SKIDA1: variants seen among roughly 807,000 people sequenced by gnomAD.
The protein encoded by SKIDA1 is SKI/DACH domain-containing protein 1.
A neutral mutation model predicts 51.4 loss-of-function variants in SKIDA1; 18 were observed. That is an observed-to-expected ratio of 0.35 (90% CI 0.24 to 0.52). The LOEUF (loss-of-function observed/expected upper bound fraction) is 0.52, where lower values mean the gene tolerates loss of function less well. Among genes scored for constraint, SKIDA1 ranks in the 20% least tolerant of loss-of-function variants. The pLI is 0.95. For synonymous variants in SKIDA1, 579 were observed against 500.5 expected (o/e 1.16, Z -2.09); for missense variants, 1,104 against 1,180.6 (o/e 0.94, Z 0.95).
rs371559698 is a variant in SKIDA1 at position 21,514,526 on chromosome 10, C to T, written c.*570G>A. 2.0e-5 allele frequency: 3 copies of T among 150,664 alleles called. No homozygotes were observed. The highest frequency in any genetic ancestry group is 3.2e-3 in the Middle Eastern group (1 of 310). 9.3% of individuals were successfully genotyped at this position (150,664 alleles called of 1,614,324 possible). A position where few individuals can be genotyped will look rare whatever the true frequency, so the allele number is the denominator to read the frequency against. On this transcript the variant is annotated 3_prime_UTR_variant, in exon 4 of 4. Transcript: ENST00000449193. The stretch of plus-strand genomic sequence containing the variant: ...AAAAAAAAAGTTAAGTGCAACTACT[C>T]TTGGAGAGGGAATAAGGGGAGTCAA...
chr10:21,520,888 T>G (rs2032374581), intron 3 of SKIDA1, among the ~76,000 whole-genome samples: 1 of 152,160 alleles, frequency 6.6e-6, no homozygotes, highest in South Asian at 2.1e-4. Context: ...ATATAGACTT[T>G]GTGCAAGTAT....
Position 21,515,259 on chromosome 10 carries a change from G to A in SKIDA1, c.2564C>T (p.Ser855Leu). 1 of 1,614,012 alleles carries A rather than the reference G, an allele frequency of 6.2e-7. No homozygotes were observed. Among genetic ancestry groups the A allele is most frequent in the Non-Finnish European group, 8.5e-7 (1 of 1,179,900 alleles). ...HFMANFPCPP[S>L]LIIGRDGDLW... Reference sequence around the variant, plus strand: ...ATCCCCATCTCTCCCAATAATGAGTGATGGTGGACAAGGAAAATTTGCCAT... The same window carrying A: ...ATCCCCATCTCTCCCAATAATGAGTAATGGTGGACAAGGAAAATTTGCCAT... Residue 855 changes from serine (S) to leucine (L), a missense_variant, in exon 4 of 4, where the codon TCA becomes TTA. By Grantham distance (145) the Ser-to-Leu change is moderately radical (BLOSUM62 -2). Around this residue, in one of 3 missense-constraint regions of SKIDA1, gnomAD observed 112 missense variants for 168.3 expected, o/e 0.67. Transcript: ENST00000449193.
Position 21,514,989 on chromosome 10 carries a change from G to A in SKIDA1, c.*107C>T, listed in dbSNP as rs1357108065. 1 of 1,155,376 alleles carries A rather than the reference G, an allele frequency of 8.7e-7. No homozygotes were observed. Among genetic ancestry groups the A allele is most frequent in the African/African-American group, 1.7e-5 (1 of 59,736 alleles). The allele number at this position is 1,155,376 out of a possible 1,614,324, so 71.6% of individuals were successfully genotyped here. ...CTGTCTTCAAAATGCGATAAACCAG[G>A]ACTCCAAAGGGGGTGTAACACATTA... is the stretch of plus-strand genomic sequence containing the variant. On this transcript the variant is annotated 3_prime_UTR_variant, in exon 4 of 4. Coordinates refer to ENST00000449193, the MANE Select transcript of SKIDA1 (RefSeq NM_207371.4).
At chr10:21,522,593 A>T (rs1405381635) in intron 2 of SKIDA1, among the ~76,000 whole-genome samples, 1 of 152,110 alleles carries the variant, frequency 6.6e-6, no homozygotes, top group African/African-American at 2.4e-5. Flanking sequence ...GCTTTTTGGG[A>T]TGGGAAAATG....
chr10:21,516,988 T>A lies in SKIDA1; in HGVS notation c.835A>T (p.Lys279Ter). ...YRCKRKRGGA[K>*]DCLLAPHAGA... ...GCGTGAGGCGCGAGCAGGCAGTCCT[T>A]GGCGCCGCCGCGCTTGCGCTTGCAG... The change falls in exon 4 of 4, where the codon AAG (lysine) becomes TAG (stop). Residue 279 changes from lysine to a stop codon, truncating the protein, a stop_gained. Coordinates refer to ENST00000449193, the MANE Select transcript of SKIDA1 (RefSeq NM_207371.4). LOFTEE classifies it high-confidence loss of function. The surrounding 1 kb of genome is among the most constrained non-coding windows in gnomAD (Gnocchi z 5.7). 1 of 1,133,012 alleles carries A rather than the reference T, an allele frequency of 8.8e-7. No individual in the cohort carries two copies. The allele number at this position is 1,133,012 out of a possible 1,614,324, so 70.2% of individuals were successfully genotyped here.
intron 2 of SKIDA1, 28 bp from the exon 3 acceptor site, chr10:21,521,508 A>T (rs1288004381): frequency 6.6e-6 from 1 of 152,624 alleles, no homozygotes; most frequent in African/African-American, 2.4e-5. Context: ...CCCAATTCAG[A>T]TAATGGACTG....
chr10:21,522,496 T>C (rs565206102), intron 2 of SKIDA1, among the ~76,000 whole-genome samples: 38 of 152,118 alleles, frequency 2.5e-4, no homozygotes, highest in African/African-American at 8.4e-4. Flanking sequence ...AATAATAAAG[T>C]CTCATATGGC....
chr10:21,517,945 T>C lies in SKIDA1; in HGVS notation c.-123A>G. On this transcript the variant is annotated 5_prime_UTR_variant, in exon 4 of 4. Transcript: ENST00000449193. The surrounding 1 kb of genome is among the most constrained non-coding windows in gnomAD (Gnocchi z 6.9). ...GTCTCAAGGCATCCTGCTAATAAAA[T>C]AACAAAGACTGTTATTCCCGGCGAA... 1.1e-6 allele frequency: 1 copy of C among 873,772 alleles called. No homozygotes were observed. Among genetic ancestry groups the C allele is most frequent in the Non-Finnish European group, 1.6e-6 (1 of 614,796 alleles). The allele number at this position is 873,772 out of a possible 1,614,324, so 54.1% of individuals were successfully genotyped here.
chr10:21,514,350 C>G lies in SKIDA1; in HGVS notation c.*746G>C, dbSNP rs2032127749. On this transcript the variant is annotated 3_prime_UTR_variant, in exon 4 of 4. Transcript: ENST00000449193. ...CCTTTGGGTGAGAACACAAAACAGA[C>G]TTTTCCTGTTGCAAAGGAGTGGCTT... The G allele has an allele frequency of 6.6e-6, 1 of 151,362 alleles. No individual in the cohort carries two copies. The highest frequency in any genetic ancestry group is 1.5e-5 in the Non-Finnish European group (1 of 67,924). 9.4% of individuals were successfully genotyped at this position (151,362 alleles called of 1,614,324 possible).
At position 21,523,715 on chromosome 10, in the gene SKIDA1, G is replaced by A. The variant is rs967933827; in HGVS notation, c.-1961C>T. 4.6e-5 allele frequency: 7 copies of A among 152,102 alleles called. No homozygotes were observed. The highest frequency in any genetic ancestry group is 1.3e-4 in the Admixed American group (2 of 15,258). 9.4% of individuals were successfully genotyped at this position (152,102 alleles called of 1,614,324 possible). On this transcript the variant is annotated 5_prime_UTR_variant, in exon 2 of 4. Transcript: ENST00000449193. ...CTGCTCAGCCATACTGAAATCCTGA[G>A]CCACCACGAGGGGAGAGAGGAGAGA...
Position 21,516,888 on chromosome 10 carries a change from G to A in SKIDA1, c.935C>T (p.Ala312Val). The stretch of plus-strand genomic sequence containing the variant: ...GGCCCCCGCGGCGGCCGCCGCCGCC[G>A]CTGCCGCCGCCGCCGCCGCCGCCGC... ...KAAAAAAAAA[A>V]AAAAAAGATC... is the part of the protein sequence containing the mutation. Residue 312 changes from alanine to valine, a missense_variant, in exon 4 of 4, where the codon GCG (alanine) becomes GTG (valine). Around this residue, in one of 3 missense-constraint regions of SKIDA1, gnomAD observed 938 missense variants for 886.4 expected, o/e 1.06. Transcript: ENST00000449193. The surrounding 1 kb of genome is among the most constrained non-coding windows in gnomAD (Gnocchi z 5.7). 1 of 1,272,388 alleles carries A rather than the reference G, an allele frequency of 7.9e-7. No homozygotes were observed. The highest frequency in any genetic ancestry group is 9.9e-7 in the Non-Finnish European group (1 of 1,013,978). The allele number at this position is 1,272,388 out of a possible 1,614,324, so 78.8% of individuals were successfully genotyped here. A position where few individuals can be genotyped will look rare whatever the true frequency, so the allele number is the denominator to read the frequency against.
Position 21,516,535 on chromosome 10 carries a change from C to CT in SKIDA1, c.1287_1288insA (p.Gly430ArgfsTer9), listed in dbSNP as rs2032210449. The CT allele has an allele frequency of 6.7e-7, 1 of 1,500,336 alleles. No homozygotes were observed. The highest frequency in any genetic ancestry group is 2.3e-5 in the African/African-American group (1 of 43,044). 92.9% of individuals were successfully genotyped at this position (1,500,336 alleles called of 1,614,324 possible). ...TCACTGGAATCCGAGGCCCCGCTGC[C>CT]CCCCTCCTCCTCCTCTTCCTCCTCC... On this transcript the variant is annotated frameshift_variant, in exon 4 of 4. Transcript: ENST00000449193. LOFTEE classifies it high-confidence loss of function. This position sits in a 1 kb window ranked among gnomAD's most constrained non-coding sequence, Gnocchi z 5.7.
chr10:21,523,890 T>TAAAAAAAAAAAAAAAAAAAAACAAAAAAA lies in SKIDA1; in HGVS notation c.-2117-20_-2117-19insTTTTTTTGTTTTTTTTTTTTTTTTTTTTT, dbSNP rs57935227. 1 of 100,768 alleles carries TAAAAAAAAAAAAAAAAAAAAACAAAAAAA rather than the reference T, an allele frequency of 9.9e-6. No homozygotes were observed. Among genetic ancestry groups the TAAAAAAAAAAAAAAAAAAAAACAAAAAAA allele is most frequent in the Non-Finnish European group, 2.2e-5 (1 of 45,170 alleles). 6.2% of individuals were successfully genotyped at this position (100,768 alleles called of 1,614,324 possible). A position where few individuals can be genotyped will look rare whatever the true frequency, so the allele number is the denominator to read the frequency against. On this transcript the variant is annotated intron_variant, in intron 1 of 3. Coordinates refer to ENST00000449193, the MANE Select transcript of SKIDA1 (RefSeq NM_207371.4). ...TGGGAACCTACAAAAAAGCGGGAGA[T>TAAAAAAAAAAAAAAAAAAAAACAAAAAAA]AAAAAAAAAAAAAAAAAAATCACAA... is the stretch of plus-strand genomic sequence containing the variant.
In SKIDA1 at chr10:21,514,835, C is replaced by T; in HGVS notation, c.*261G>A. 2.7e-6 allele frequency: 1 copy of T among 367,010 alleles called. No homozygotes were observed. Among genetic ancestry groups the T allele is most frequent in the Non-Finnish European group, 4.8e-6 (1 of 208,516 alleles). The allele number at this position is 367,010 out of a possible 1,614,324, so 22.7% of individuals were successfully genotyped here. ...AAGTGTTCCAGCTCTACCGTAATAA[C>T]TGAGTTTTACTTGAGTCTTTAGCCT... On this transcript the variant is annotated 3_prime_UTR_variant, in exon 4 of 4. Transcript: ENST00000449193.
In SKIDA1 at chr10:21,515,995, A is replaced by T; in HGVS notation, c.1828T>A (p.Cys610Ser). The T allele has an allele frequency of 6.2e-7, 1 of 1,613,990 alleles. No homozygotes were observed. The change falls in exon 4 of 4, where the codon TGT (cysteine) becomes AGT (serine). Residue 610 changes from cysteine to serine, a missense_variant. Around this residue, in one of 3 missense-constraint regions of SKIDA1, gnomAD observed 938 missense variants for 886.4 expected, o/e 1.06. Coordinates refer to ENST00000449193, the MANE Select transcript of SKIDA1 (RefSeq NM_207371.4). The part of the protein sequence containing the change: ...KCLQTTPTTH[C>S]ADNNTIAARF... ...GCAGCTATTGTGTTGTTATCTGCAC[A>T]GTGTGTAGTAGGAGTTGTTTGTAGG...
In SKIDA1 at chr10:21,518,159, A is replaced by C; in HGVS notation, c.-337T>G. 1 of 227,554 alleles carries C rather than the reference A, an allele frequency of 4.4e-6. No individual in the cohort carries two copies. Among genetic ancestry groups the C allele is most frequent in the African/African-American group, 2.3e-5 (1 of 43,974 alleles). The allele number at this position is 227,554 out of a possible 1,614,324, so 14.1% of individuals were successfully genotyped here. ...TGCAGATCAGTACCTGGGCCCCTCT[A>C]TTCCTTCCTTCTCCATTGGAGCACT... On this transcript the variant is annotated 5_prime_UTR_variant, in exon 4 of 4. Transcript: ENST00000449193.
chr10:21,515,737 C>T lies in SKIDA1; in HGVS notation c.2086G>A (p.Glu696Lys). Reference protein sequence around the residue: ...KIKVEDSSANEEYEPHLFTNK... With the variant: ...KIKVEDSSANKEYEPHLFTNK... ...GTAAAAAGGTGAGGTTCATATTCTT[C>T]ATTAGCACTACTGTCTTCTACTTTG... Residue 696 changes from glutamate (E) to lysine (K), a missense_variant, in exon 4 of 4, where the codon GAA becomes AAA. Physicochemically the swap from Glu to Lys is moderately conservative, Grantham distance 56. Transcript: ENST00000449193. The T allele has an allele frequency of 6.2e-7, 1 of 1,614,052 alleles. No homozygotes were observed. Among genetic ancestry groups the T allele is most frequent in the Non-Finnish European group, 8.5e-7 (1 of 1,179,902 alleles).
chr10:21,524,746 G>T (rs1162042185), intron 1 of SKIDA1: 1 of 152,164 alleles, frequency 6.6e-6, no homozygotes, highest in East Asian at 1.9e-4. Flanking sequence ...TGATGGGAAC[G>T]TCTGGTTTGT....
chr10:21,515,623 C>A lies in SKIDA1; in HGVS notation c.2200G>T (p.Ala734Ser). The A allele has an allele frequency of 3.1e-6, 5 of 1,614,022 alleles. No homozygotes were observed. The highest frequency in any genetic ancestry group is 4.2e-6 in the Non-Finnish European group (5 of 1,179,890). ...SKEEDALLTT[A>S]KEGFACPEKE... ...TCAGGGCATGCAAAACCTTCCTTGG[C>A]TGTGGTTAACAAGGCGTCCTCCTCT... The change falls in exon 4 of 4, where the codon GCC (alanine) becomes TCC (serine). Residue 734 changes from alanine (A) to serine (S), a missense_variant. By Grantham distance (99) the Ala-to-Ser change is moderately conservative. Transcript: ENST00000449193.
Sources: allele counts gnomAD v4.1 joint callset (sites outside exome capture counted in the v4.1 genomes callset), GRCh38; gene constraint gnomAD v4.1.1; regional missense constraint gnomAD v4.1.1; non-coding constraint Gnocchi (gnomAD v3.1); transcripts MANE v1.5; gene names NCBI Gene and HGNC (gene_info 2026-07-23, HGNC 2026-07-21).